Variants in NR3C1 observed in about 807,000 individuals in gnomAD.
The protein encoded by NR3C1 is glucocorticoid receptor.
In NR3C1, 14 loss-of-function variants were observed where a neutral mutation model predicts 74.0. The observed-to-expected ratio is 0.19, with a 90% CI of 0.12 to 0.30. NR3C1 has a LOEUF of 0.30. Ranked by LOEUF, NR3C1 falls within the 10% of genes least tolerant of loss-of-function variation. NR3C1 has a pLI of 1.00. For missense variants in NR3C1, 695 were observed against 909.8 expected (o/e 0.76, Z 3.04); for synonymous variants, 308 against 332.5 (o/e 0.93, Z 0.80).
chr5:143,301,034 G>A (rs1217204448), intron 4 of NR3C1, among the ~76,000 whole-genome samples: 1 of 152,006 alleles, frequency 6.6e-6, no homozygotes, highest in African/African-American at 2.4e-5. Flanking sequence ...TATTATAACG[G>A]TATGTTAAAA....
rs368440757 is a variant in NR3C1, at chr5:143,399,757, G to A, written c.1083C>T (p.Ser361=). Residue 361 remains serine (S), a synonymous_variant, in exon 2 of 9, where the codon TCC becomes TCT. Transcript: ENST00000394464. ...ATCCTTGGCACCTATTCCAATTTTC[G>A]GAACCAACGGGAATTGGTGGAATGA... The part of the protein sequence containing the change: ...FNVIPPIPVG[S]ENWNRCQGSG... 27 of 1,613,916 alleles carry A rather than the reference G, an allele frequency of 1.7e-5. No individual in the cohort carries two copies. The highest frequency in any genetic ancestry group is 3.3e-5 in the Admixed American group (2 of 59,982).
intron 7 of NR3C1, among the ~76,000 whole-genome samples, chr5:143,284,269 C>T (rs1229739295): frequency 1.3e-5 from 2 of 152,006 alleles, no homozygotes; most frequent in Non-Finnish European, 2.9e-5. Flanking sequence ...TTCTTACTTG[C>T]CATGTGGACT....
intron 1 of NR3C1, among the ~76,000 whole-genome samples, chr5:143,432,505 G>A (rs932056223): frequency 2.0e-5 from 3 of 152,120 alleles, no homozygotes; most frequent in East Asian, 1.9e-4. Flanking sequence ...CTGGCTGCAC[G>A]TCAGCACCCT....
intron 4 of NR3C1, among the ~76,000 whole-genome samples, chr5:143,301,556 C>T (rs1368293102): frequency 6.6e-6 from 1 of 151,994 alleles, no homozygotes; most frequent in African/African-American, 2.4e-5. Context: ...GGTATGGAAC[C>T]ATCTACTCAA....
Position 143,403,350 on chromosome 5 carries a change from C to T in NR3C1, c.-153G>A, listed in dbSNP as rs890772044. On this transcript the variant is annotated 5_prime_UTR_variant, in exon 1 of 9. Coordinates refer to ENST00000394464, the MANE Select transcript of NR3C1 (RefSeq NM_000176.3). ...AAAAAAAGGAAGTAAACAGCCGCCC[C>T]TTTCTCCATGGGTGGGGGGAGAGCC... 1 of 985,362 alleles carries T rather than the reference C, an allele frequency of 1.0e-6. No individual in the cohort carries two copies. The highest frequency in any genetic ancestry group is 1.2e-6 in the Non-Finnish European group (1 of 829,974). The allele number at this position is 985,362 out of a possible 1,614,324, so 61.0% of individuals were successfully genotyped here. A position where few individuals can be genotyped will look rare whatever the true frequency, so the allele number is the denominator to read the frequency against.
intron 6 of NR3C1, among the ~76,000 whole-genome samples, chr5:143,298,287 C>T (rs941288602): frequency 2.0e-5 from 3 of 152,166 alleles, no homozygotes; most frequent in Non-Finnish European, 2.9e-5. Context: ...ACCCCATCAG[C>T]CTAGATATCC....
rs374503509 is a variant in NR3C1, at chr5:143,299,343, T to TAA, written c.1748-533_1748-532dup. ...AGGTGCTTTTTAATAGCTTTTAATG[T>TAA]AAAAAAAAAAAAAAAAAGCCAGTTT... On this transcript the variant is annotated intron_variant, in intron 5 of 8. Transcript: ENST00000394464. 5.6e-3 allele frequency among the ~76,000 whole-genome samples: 714 copies of TAA among 127,298 alleles called. 3 individuals carry two copies. The highest frequency in any genetic ancestry group is 0.02 in the African/African-American group (682 of 34,526). The allele number at this position is 127,298 out of a possible 152,430, so 83.5% of individuals were successfully genotyped here. A position where few individuals can be genotyped will look rare whatever the true frequency, so the allele number is the denominator to read the frequency against.
chr5:143,299,360 A>G (rs1817999356), intron 5 of NR3C1, among the ~76,000 whole-genome samples: 1 of 150,592 alleles, frequency 6.6e-6, no homozygotes, highest in Non-Finnish European at 1.5e-5. Context: ...AAAAAAAAAA[A>G]GCCAGTTTTG....
chr5:143,392,481 T>A (rs1033252982), intron 2 of NR3C1, among the ~76,000 whole-genome samples: 1 of 152,156 alleles, frequency 6.6e-6, no homozygotes, highest in Non-Finnish European at 1.5e-5. Context: ...ATACCCAATA[T>A]TAAATATTTC....
At chr5:143,348,438 C>A (rs577103799) in intron 2 of NR3C1, among the ~76,000 whole-genome samples, 33 of 152,152 alleles carry the variant, frequency 2.2e-4, no homozygotes, top group Non-Finnish European at 3.8e-4. Flanking sequence ...CCTATCGATT[C>A]GTGGATAAGC....
intron 2 of NR3C1, among the ~76,000 whole-genome samples, chr5:143,328,661 T>C (rs931525458): frequency 1.3e-5 from 2 of 152,220 alleles, no homozygotes; most frequent in African/African-American, 4.8e-5. Context: ...ATCAGCCAAG[T>C]CACCACTAGG....
At chr5:143,330,030 T>A (rs1825642855) in intron 2 of NR3C1, among the ~76,000 whole-genome samples, 2 of 152,206 alleles carry the variant, frequency 1.3e-5, no homozygotes, top group African/African-American at 4.8e-5. Flanking sequence ...AAGTAAACTA[T>A]CGTGTAGTTT....
chr5:143,392,750 T>A (rs1009996515), intron 2 of NR3C1, among the ~76,000 whole-genome samples: 2 of 152,056 alleles, frequency 1.3e-5, no homozygotes, highest in African/African-American at 4.8e-5. Context: ...TAAAAAAAAA[T>A]TAACAAAATG....
intron 2 of NR3C1, among the ~76,000 whole-genome samples, chr5:143,358,982 C>T (rs1831708957): frequency 6.6e-6 from 1 of 152,112 alleles, no homozygotes; most frequent in African/African-American, 2.4e-5. Context: ...CTAAAGCTTC[C>T]TTTGTACATT....
chr5:143,342,625 A>G (rs1828465821), intron 2 of NR3C1, among the ~76,000 whole-genome samples: 1 of 152,216 alleles, frequency 6.6e-6, no homozygotes, highest in African/African-American at 2.4e-5. Context: ...ATGCCCCAAA[A>G]TGTTTTAAGA....
At position 143,294,002 on chromosome 5, in the gene NR3C1, A is replaced by G. The variant is rs148439733; in HGVS notation, c.2023+1458T>C. On this transcript the variant is annotated intron_variant, in intron 7 of 8. Transcript: ENST00000394464. ...CTTTAACAAGTGTACCGCTACAGGT[A>G]ACATTAAACGTCTCTAGCAATGATC... 391 of 985,376 alleles carry G rather than the reference A, an allele frequency of 4.0e-4. 8 individuals carry two copies. The East Asian group carries it at 0.025, about 64-fold the overall frequency. 61.0% of individuals were successfully genotyped at this position (985,376 alleles called of 1,614,324 possible).
intron 2 of NR3C1, among the ~76,000 whole-genome samples, 164 bp from the exon 3 acceptor site, chr5:143,314,332 T>C (rs921459670): frequency 2.0e-5 from 3 of 152,138 alleles, no homozygotes; most frequent in Non-Finnish European, 4.4e-5. Context: ...AATCATGTTA[T>C]ATTCTTCTTT....
At chr5:143,296,276 ATTTTT>A (rs199808389) in intron 6 of NR3C1, among the ~76,000 whole-genome samples, 4 of 146,380 alleles carry the variant, frequency 2.7e-5, no homozygotes, top group Non-Finnish European at 6.0e-5. Flanking sequence ...ATGCTTCAAG[ATTTTT>A]TTTTTTTTTT....
intron 4 of NR3C1, among the ~76,000 whole-genome samples, chr5:143,302,246 T>C (rs77302315): frequency 1.1e-4 from 17 of 152,248 alleles, no homozygotes; most frequent in Non-Finnish European, 2.4e-4. Flanking sequence ...GCATATATTA[T>C]AGTAAGTACC....
Sources: allele counts gnomAD v4.1 joint callset (sites outside exome capture counted in the v4.1 genomes callset), GRCh38; gene constraint gnomAD v4.1.1; transcripts MANE v1.5; gene names NCBI Gene and HGNC (gene_info 2026-07-23, HGNC 2026-07-21).